The following NPAT variants were observed in gnomAD, a reference collection of about 807,000 sequenced individuals.
The protein encoded by NPAT is protein NPAT.
Under a neutral mutation model 130.7 loss-of-function variants are expected in NPAT, and 52 were observed. The ratio of observed to expected loss-of-function variants is 0.40; its 90% confidence interval spans 0.32 to 0.50. The LOEUF (loss-of-function observed/expected upper bound fraction) is 0.50, where lower values mean the gene tolerates loss of function less well. Ranked by LOEUF, NPAT falls within the 20% of genes least tolerant of loss-of-function variation. The pLI is 0.68. For missense variants in NPAT, 1,687 were observed against 1,662.6 expected (o/e 1.01, Z -0.26); for synonymous variants, 580 against 584.8 (o/e 0.99, Z 0.12).
At chr11:108,167,474 A>G (rs2077912130) in intron 15 of NPAT, among the ~76,000 whole-genome samples, 1 of 152,136 alleles carries the variant, frequency 6.6e-6, no homozygotes, top group Non-Finnish European at 1.5e-5. Flanking sequence ...CAGCCTCCCA[A>G]GGTGCTGGGA....
rs1226537227 is a variant in NPAT, at chr11:108,161,951, A to T, written c.3135T>A (p.Val1045=). Residue 1045 remains valine, a synonymous_variant, in exon 17 of 18, where the codon GTT becomes GTA. Coordinates refer to ENST00000278612, the MANE Select transcript of NPAT (RefSeq NM_002519.3). ...GAACTATACTCTCTTCTGGGAAGGG[A>T]ACTGTGGTTTCTTCTGATTTTTTCC... ...DLGKKSEETT[V]PFPEESIVPA... The T allele has an allele frequency of 6.2e-7, 1 of 1,604,158 alleles. No individual in the cohort carries two copies. The highest frequency in any genetic ancestry group is 1.1e-5 in the South Asian group (1 of 89,546).
chr11:108,193,728 A>G (rs1032213323), intron 3 of NPAT, among the ~76,000 whole-genome samples: 1 of 152,178 alleles, frequency 6.6e-6, no homozygotes, highest in Non-Finnish European at 1.5e-5. Flanking sequence ...TCCGTCTCAA[A>G]AAAAACCAAA....
chr11:108,164,458 T>G (rs1056393634), intron 15 of NPAT, among the ~76,000 whole-genome samples: 3 of 152,168 alleles, frequency 2.0e-5, no homozygotes, highest in Non-Finnish European at 4.4e-5. Context: ...CCAAAGTGGC[T>G]GATGTGGTGG....
intron 13 of NPAT, among the ~76,000 whole-genome samples, chr11:108,170,676 C>T (rs1049266914): frequency 1.3e-5 from 2 of 152,138 alleles, no homozygotes; most frequent in Admixed American, 1.3e-4. Flanking sequence ...CAGGTTGATC[C>T]CCTCATTTTC....
chr11:108,198,677 T>C (rs947728748), intron 1 of NPAT, among the ~76,000 whole-genome samples: 2 of 152,132 alleles, frequency 1.3e-5, no homozygotes, highest in African/African-American at 4.8e-5. Context: ...CATGGACCAA[T>C]CAGCCTGCAC....
At chr11:108,201,342 T>C (rs1426026706) in intron 1 of NPAT, among the ~76,000 whole-genome samples, 1 of 152,194 alleles carries the variant, frequency 6.6e-6, no homozygotes, top group African/African-American at 2.4e-5. Context: ...TTGTCCCTTA[T>C]ATCACATAAT....
intron 1 of NPAT, among the ~76,000 whole-genome samples, chr11:108,221,807 T>A (rs981809972): frequency 1.3e-5 from 2 of 152,170 alleles, no homozygotes; most frequent in Non-Finnish European, 2.9e-5. Context: ...CAATACACCC[T>A]GACAGACAAG....
chr11:108,212,653 A>C (rs1453567945), intron 1 of NPAT, among the ~76,000 whole-genome samples: 1 of 151,846 alleles, frequency 6.6e-6, no homozygotes, highest in African/African-American at 2.4e-5. Flanking sequence ...ACAACAAAAA[A>C]ACTATTAGAG....
intron 2 of NPAT, among the ~76,000 whole-genome samples, chr11:108,194,825 ATTTTTTT>A (rs1416760021): frequency 8.0e-6 from 1 of 125,344 alleles, no homozygotes; most frequent in Admixed American, 8.0e-5. Flanking sequence ...TGTTTTCAGT[ATTTTTTT>A]TTTTTTTTTG....
intron 5 of NPAT, 96 bp from the exon 6 acceptor site, chr11:108,189,426 G>A: frequency 1.0e-6 from 1 of 983,052 alleles, no homozygotes; most frequent in Non-Finnish European, 1.6e-6. Flanking sequence ...ATAACAACGT[G>A]TTACATCCAC....
chr11:108,207,947 G>A (rs1347743112), intron 1 of NPAT, among the ~76,000 whole-genome samples: 2 of 152,226 alleles, frequency 1.3e-5, no homozygotes. Flanking sequence ...CAGGGTGAAA[G>A]TAAAAGGATA....
In NPAT at chr11:108,161,153, T is replaced by C. The variant is rs36011340; in HGVS notation, c.3933A>G (p.Pro1311=). ...TSKVMVPPVT[P]DLPACSPASE... ...TGGCAGGGCTGCAGGCAGGCAAGTC[T>C]GGGGTGACAGGAGGGACCATTACTT... is the stretch of plus-strand genomic sequence containing the variant. Residue 1311 remains proline, a synonymous_variant, in exon 17 of 18, where the codon CCA becomes CCG. Coordinates refer to ENST00000278612, the MANE Select transcript of NPAT (RefSeq NM_002519.3). The C allele has an allele frequency of 1.7e-3, 2,701 of 1,614,170 alleles. 41 individuals carry two copies. In the African/African-American group the frequency reaches 0.031, roughly 19 times the overall value.
At chr11:108,189,376 T>G in intron 5 of NPAT, 46 bp from the exon 6 acceptor site, 2 of 1,575,698 alleles carry the variant, frequency 1.3e-6, no homozygotes, top group Non-Finnish European at 1.7e-6. Flanking sequence ...GTCAGGGTAG[T>G]TTGGGAATTG....
chr11:108,187,432 A>G lies in NPAT; in HGVS notation c.638+666T>C, dbSNP rs534212971. Among the ~76,000 whole-genome samples, 39 of 152,312 alleles carry G rather than the reference A, an allele frequency of 2.6e-4. 1 individual carries two copies. In the South Asian group the frequency reaches 3.9e-3, roughly 15 times the overall value. The stretch of plus-strand genomic sequence containing the variant: ...GTACCACTATACTCTAACCTGGTCA[A>G]GACAGCAAGGCCCTATCTCTAAAAA... On this transcript the variant is annotated intron_variant, in intron 7 of 17. Coordinates refer to ENST00000278612, the MANE Select transcript of NPAT (RefSeq NM_002519.3).
At position 108,191,176 on chromosome 11, in the gene NPAT, G is replaced by C. The variant is rs192594064; in HGVS notation, c.291-676C>G. ...TTTTATTATCTTTCACAATTATAGA[G>C]ATGCCTTCCCACAGAGAAATTCTGA... On this transcript the variant is annotated intron_variant, in intron 4 of 17. Coordinates refer to ENST00000278612, the MANE Select transcript of NPAT (RefSeq NM_002519.3). 4.6e-5 allele frequency among the ~76,000 whole-genome samples: 7 copies of C among 152,198 alleles called. No individual in the cohort carries two copies. The South Asian group carries it at 8.3e-4, about 18-fold the overall frequency.
chr11:108,199,293 A>G (rs971122562), intron 1 of NPAT, among the ~76,000 whole-genome samples: 6 of 152,234 alleles, frequency 3.9e-5, no homozygotes, highest in African/African-American at 1.2e-4. Context: ...TCATGGCACA[A>G]CTGGACCAGC....
chr11:108,174,399 T>C (rs538361904), intron 12 of NPAT, among the ~76,000 whole-genome samples: 6 of 152,260 alleles, frequency 3.9e-5, no homozygotes, highest in African/African-American at 7.2e-5. Flanking sequence ...ACTTGGTTAC[T>C]GGGATACAAA....
chr11:108,163,678 C>T (rs897874587), intron 15 of NPAT, among the ~76,000 whole-genome samples: 5 of 152,136 alleles, frequency 3.3e-5, no homozygotes, highest in Non-Finnish European at 7.3e-5. Flanking sequence ...TTGAGTTACA[C>T]AAAATTAGCA....
In NPAT at chr11:108,172,756, A is replaced by G. The variant is rs2077965248; in HGVS notation, c.2228T>C (p.Ile743Thr). The change falls in exon 13 of 18, where the codon ATC (isoleucine) becomes ACC (threonine). Residue 743 changes from isoleucine (I) to threonine (T), a missense_variant. Coordinates refer to ENST00000278612, the MANE Select transcript of NPAT (RefSeq NM_002519.3). The part of the protein sequence containing the change: ...DASNIVSLKV[I>T]ISDDPFVSSD... ...GGAAACAAATGGATCATCACTAATG[A>G]TAACTTTGAGAGAGACGATATTTGA... The G allele has an allele frequency of 4.3e-6, 7 of 1,613,610 alleles. No homozygotes were observed. The highest frequency in any genetic ancestry group is 1.7e-5 in the Admixed American group (1 of 60,022).
Sources: gnomAD v4.1 joint callset for allele counts (sites outside exome capture counted in the v4.1 genomes callset) on GRCh38, gnomAD v4.1.1 for gene constraint, MANE v1.5 for transcripts, NCBI Gene and HGNC (gene_info 2026-07-23, HGNC 2026-07-21) for gene names.